TMC1: variants seen among roughly 807,000 people sequenced by gnomAD.
TMC1 encodes transmembrane channel-like protein 1.
Under a neutral mutation model 105.8 loss-of-function variants are expected in TMC1, and 84 were observed. The ratio of observed to expected loss-of-function variants is 0.79; its 90% CI spans 0.67 to 0.95. TMC1 has a LOEUF of 0.95. Among genes scored for constraint, TMC1 ranks in the 40% least tolerant of loss-of-function variants. TMC1 has a pLI of 0.00. For missense variants in TMC1, 817 were observed against 914.1 expected (o/e 0.89, Z 1.37); for synonymous variants, 315 against 311.5 (o/e 1.01, Z -0.12).
At chr9:72,551,163 G>A (rs1327343283) in intron 1 of TMC1, among the ~76,000 whole-genome samples, 1 of 152,134 alleles carries the variant, frequency 6.6e-6, no homozygotes, top group Non-Finnish European at 1.5e-5. Flanking sequence ...AAGAAGGGTG[G>A]TCCTTCTGAC....
intron 12 of TMC1, among the ~76,000 whole-genome samples, chr9:72,768,327 G>A (rs1004441209): frequency 4.1e-5 from 6 of 147,822 alleles, no homozygotes; most frequent in African/African-American, 1.5e-4. Context: ...CTGTTGGGGG[G>A]TTGGGGGCTA....
intron 4 of TMC1, among the ~76,000 whole-genome samples, chr9:72,645,316 A>C (rs944071866): frequency 7.2e-5 from 11 of 152,200 alleles, no homozygotes; most frequent in African/African-American, 2.7e-4. Context: ...GCAAGAGTAG[A>C]GCTTTTGACG....
intron 1 of TMC1, among the ~76,000 whole-genome samples, chr9:72,572,948 C>T (rs1824312599): frequency 6.6e-6 from 1 of 152,122 alleles, no homozygotes; most frequent in South Asian, 2.1e-4. Context: ...GCCAAGATCA[C>T]ACCATTGCAC....
chr9:72,732,214 G>T (rs1827223071), intron 8 of TMC1, among the ~76,000 whole-genome samples: 2 of 152,204 alleles, frequency 1.3e-5, no homozygotes, highest in South Asian at 4.1e-4. Flanking sequence ...TATACAAATT[G>T]TTCTGTATTC....
In TMC1 at chr9:72,838,281, G is replaced by A. The variant is rs188984685; in HGVS notation, c.*2308G>A. 4.5e-4 allele frequency: 68 copies of A among 152,266 alleles called. No individual in the cohort carries two copies. The highest frequency in any genetic ancestry group is 1.5e-3 in the African/African-American group (62 of 41,566). 9.4% of individuals were successfully genotyped at this position (152,266 alleles called of 1,614,324 possible). A position where few individuals can be genotyped will look rare whatever the true frequency, so the allele number is the denominator to read the frequency against. ...ATGCAGATGAGTAAATAAAGCTAGT[G>A]TTTATTTCTACTTGGATCATTTTTG... On this transcript the variant is annotated 3_prime_UTR_variant, in exon 24 of 24. Transcript: ENST00000297784.
At chr9:72,593,755 T>C (rs1276722123) in intron 2 of TMC1, among the ~76,000 whole-genome samples, 1 of 150,880 alleles carries the variant, frequency 6.6e-6, no homozygotes, top group African/African-American at 2.4e-5. Context: ...AAAAGAAAAA[T>C]GGAAACAGGC....
chr9:72,770,402 C>A (rs1827906624), intron 12 of TMC1, among the ~76,000 whole-genome samples: 1 of 134,976 alleles, frequency 7.4e-6, no homozygotes, highest in African/African-American at 2.8e-5. Context: ...TATATATATG[C>A]ATATAAAATT....
intron 1 of TMC1, among the ~76,000 whole-genome samples, chr9:72,536,409 T>C (rs1587943386): frequency 6.6e-6 from 1 of 152,258 alleles, no homozygotes. Flanking sequence ...CTCGGCTCAC[T>C]GCAAGCTCTG....
intron 5 of TMC1, among the ~76,000 whole-genome samples, chr9:72,674,993 T>G (rs1175573350): frequency 6.6e-6 from 1 of 152,228 alleles, no homozygotes; most frequent in Non-Finnish European, 1.5e-5. Flanking sequence ...TTTGGAACTA[T>G]CTTACTGTAA....
chr9:72,743,065 G>A (rs1459434722), intron 10 of TMC1, among the ~76,000 whole-genome samples: 2 of 151,930 alleles, frequency 1.3e-5, no homozygotes. Flanking sequence ...GTGAATCCCC[G>A]TCTCTACTAA....
chr9:72,665,671 C>T (rs1826031836), intron 5 of TMC1, among the ~76,000 whole-genome samples: 2 of 152,180 alleles, frequency 1.3e-5, no homozygotes, highest in Non-Finnish European at 2.9e-5. Context: ...AGTCAGGAGA[C>T]CTGAATGTTA....
At chr9:72,808,430 A>G (rs1828639576) in intron 18 of TMC1, among the ~76,000 whole-genome samples, 1 of 152,226 alleles carries the variant, frequency 6.6e-6, no homozygotes, top group African/African-American at 2.4e-5. Context: ...AATGTAGCCA[A>G]TCAGGCACTG....
At chr9:72,536,572 T>C (rs1001945517) in intron 1 of TMC1, among the ~76,000 whole-genome samples, 1 of 152,298 alleles carries the variant, frequency 6.6e-6, no homozygotes, top group Admixed American at 6.5e-5. Flanking sequence ...GACCTCGTGA[T>C]CCGCCTGCCT....
chr9:72,622,510 T>C (rs1825271423), intron 3 of TMC1, among the ~76,000 whole-genome samples: 1 of 152,220 alleles, frequency 6.6e-6, no homozygotes, highest in Non-Finnish European at 1.5e-5. Context: ...TTAAAATTCT[T>C]GATGCCTGGG....
chr9:72,728,321 T>G (rs1351229268), intron 8 of TMC1, among the ~76,000 whole-genome samples: 1 of 152,190 alleles, frequency 6.6e-6, no homozygotes, highest in Non-Finnish European at 1.5e-5. Flanking sequence ...TTAGTAAAGC[T>G]TGTCATGCAG....
chr9:72,749,717 T>C (rs979463466), intron 10 of TMC1, among the ~76,000 whole-genome samples: 2 of 152,182 alleles, frequency 1.3e-5, no homozygotes, highest in Admixed American at 6.5e-5. Context: ...TCAAAATCAT[T>C]GATTTTTTCC....
intron 3 of TMC1, among the ~76,000 whole-genome samples, chr9:72,627,566 C>T (rs1485522290): frequency 2.0e-5 from 3 of 152,176 alleles, no homozygotes; most frequent in African/African-American, 7.2e-5. Flanking sequence ...TGCTTGGAGG[C>T]AAGCATTATG....
chr9:72,561,235 G>C (rs1423862813), intron 1 of TMC1, among the ~76,000 whole-genome samples: 1 of 148,872 alleles, frequency 6.7e-6, no homozygotes, highest in South Asian at 2.1e-4. Flanking sequence ...GCAGAATGGC[G>C]TGAACCCGGG....
intron 4 of TMC1, among the ~76,000 whole-genome samples, chr9:72,641,371 G>A (rs914811870): frequency 6.6e-6 from 1 of 152,214 alleles, no homozygotes; most frequent in Non-Finnish European, 1.5e-5. Context: ...GGGATAGCAG[G>A]CGTGAGCCAC....
Sources: gnomAD v4.1 joint callset for allele counts (sites outside exome capture counted in the v4.1 genomes callset) on GRCh38, gnomAD v4.1.1 for gene constraint, MANE v1.5 for transcripts, NCBI Gene and HGNC (gene_info 2026-07-23, HGNC 2026-07-21) for gene names.